GPR160: variants seen among roughly 807,000 people sequenced by gnomAD.
The protein encoded by GPR160 is G protein-coupled receptor 160.
Under a neutral mutation model 2.6 loss-of-function variants are expected in GPR160, and 2 were observed. The ratio of observed to expected loss-of-function variants is 0.77; its 90% CI spans 0.32 to 2.44. The LOEUF is 2.44. Among genes scored for constraint, GPR160 ranks in the 30% most tolerant of loss-of-function variants. The pLI is 0.11. For synonymous variants in GPR160, 130 were observed against 132.2 expected, an observed-to-expected ratio of 0.98 and a Z score of 0.12; for missense variants, 351 against 383.6, an observed-to-expected ratio of 0.91 and a Z score of 0.71.
chr3:170,054,739 C>T (rs1711545063), intron 2 of GPR160, among the ~76,000 whole-genome samples: 1 of 151,770 alleles, frequency 6.6e-6, no homozygotes, highest in South Asian at 2.1e-4. Flanking sequence ...TCTGCTTATT[C>T]ACTTAGTGTA....
chr3:170,056,678 CAGA>C (rs1387129094), intron 2 of GPR160, among the ~76,000 whole-genome samples: 2 of 152,126 alleles, frequency 1.3e-5, no homozygotes, highest in African/African-American at 4.8e-5. Flanking sequence ...ATACTAGAAA[CAGA>C]AGTCAAAATA....
chr3:170,045,775 G>A (rs1299716135), intron 2 of GPR160, among the ~76,000 whole-genome samples: 1 of 152,090 alleles, frequency 6.6e-6, no homozygotes, highest in African/African-American at 2.4e-5. Flanking sequence ...TGGGTTAATT[G>A]GTTATTAGCC....
At chr3:170,066,130 CTTTTTTTTTTT>C (rs768660597) in intron 2 of GPR160, among the ~76,000 whole-genome samples, 4 of 85,212 alleles carry the variant, frequency 4.7e-5, no homozygotes, top group African/African-American at 1.0e-4. Flanking sequence ...TTTTCTTTTT[CTTTTTTTTTTT>C]TTTTTTTTTT....
chr3:170,072,067 CTTTTTTTTTTTTT>C (rs1202875086), intron 2 of GPR160, among the ~76,000 whole-genome samples: 10 of 85,966 alleles, frequency 1.2e-4, no homozygotes, highest in Non-Finnish European at 1.9e-4. Context: ...TGTATACAAG[CTTTTTTTTTTTTT>C]TTTTTTTTTT....
intron 2 of GPR160, chr3:170,062,603 G>A (rs1277106985): frequency 4.9e-6 from 6 of 1,223,850 alleles, no homozygotes; most frequent in African/African-American, 3.0e-5. Flanking sequence ...ATGTGAAGCA[G>A]CAGAACTTCC....
In GPR160 at chr3:170,085,030, T is replaced by A; in HGVS notation, c.*41T>A. ...GTTACAGCTGTCATAAGATCATAAT[T>A]TTATGAACAGAAAGAACTCAGGACA... On this transcript the variant is annotated 3_prime_UTR_variant, in exon 4 of 4. Coordinates refer to ENST00000355897, the MANE Select transcript of GPR160 (RefSeq NM_014373.3). 1 of 1,107,960 alleles carries A rather than the reference T, an allele frequency of 9.0e-7. No homozygotes were observed. The allele number at this position is 1,107,960 out of a possible 1,614,324, so 68.6% of individuals were successfully genotyped here.
At chr3:170,040,655 C>CA (rs1716407758) in intron 2 of GPR160, among the ~76,000 whole-genome samples, 1 of 152,166 alleles carries the variant, frequency 6.6e-6, no homozygotes, top group Non-Finnish European at 1.5e-5. Flanking sequence ...TTGTGTTCAT[C>CA]AAAAAACAGA....
chr3:170,044,249 AG>A (rs1716593852), intron 2 of GPR160, among the ~76,000 whole-genome samples: 1 of 134,022 alleles, frequency 7.5e-6, no homozygotes, highest in South Asian at 2.4e-4. Flanking sequence ...ACTTGAACTC[AG>A]GGGGCGGAGG....
At chr3:170,078,577 C>A (rs1221761342) in intron 2 of GPR160, among the ~76,000 whole-genome samples, 1 of 152,104 alleles carries the variant, frequency 6.6e-6, no homozygotes, top group Admixed American at 6.6e-5. Flanking sequence ...GCCGCTAGCC[C>A]GTTTATGAAA....
At chr3:170,068,761 T>C (rs1369811540) in intron 2 of GPR160, among the ~76,000 whole-genome samples, 1 of 152,228 alleles carries the variant, frequency 6.6e-6, no homozygotes, top group African/African-American at 2.4e-5. Flanking sequence ...AATAGCTTTC[T>C]TCTATCTAGC....
intron 2 of GPR160, among the ~76,000 whole-genome samples, chr3:170,051,553 C>T (rs1216467670): frequency 1.3e-5 from 2 of 152,090 alleles, no homozygotes; most frequent in African/African-American, 2.4e-5. Flanking sequence ...GGCGAAACCC[C>T]GCCTCTACTA....
chr3:170,051,007 A>AAGTTTAT (rs1294688496), intron 2 of GPR160, among the ~76,000 whole-genome samples: 3 of 152,174 alleles, frequency 2.0e-5, no homozygotes, highest in Non-Finnish European at 4.4e-5. Flanking sequence ...GTCATGTGGT[A>AAGTTTAT]AGTTTATGTT....
chr3:170,055,149 G>A (rs1195849530), intron 2 of GPR160, among the ~76,000 whole-genome samples: 1 of 152,142 alleles, frequency 6.6e-6, no homozygotes, highest in Non-Finnish European at 1.5e-5. Context: ...ATATAAAGTC[G>A]TTCTTAGGAG....
intron 2 of GPR160, among the ~76,000 whole-genome samples, chr3:170,072,426 A>G (rs1283824359): frequency 6.6e-6 from 1 of 152,152 alleles, no homozygotes; most frequent in African/African-American, 2.4e-5. Context: ...TGAGAGATTA[A>G]ATTTCCGTTG....
intron 2 of GPR160, among the ~76,000 whole-genome samples, chr3:170,048,377 A>G (rs950549883): frequency 2.6e-5 from 4 of 152,196 alleles, no homozygotes; most frequent in South Asian, 2.1e-4. Flanking sequence ...CAGTTCATCT[A>G]TGTAACCAAA....
intron 2 of GPR160, among the ~76,000 whole-genome samples, chr3:170,048,232 C>T (rs546109177): frequency 2.0e-5 from 3 of 152,126 alleles, no homozygotes; most frequent in Admixed American, 6.5e-5. Context: ...CAGAGGCATG[C>T]AGAGTGATAT....
chr3:170,075,246 AC>A (rs1712796517), intron 2 of GPR160, among the ~76,000 whole-genome samples: 1 of 152,202 alleles, frequency 6.6e-6, no homozygotes, highest in South Asian at 2.1e-4. Context: ...ACAAAACAAA[AC>A]CAAAAGAATA....
intron 2 of GPR160, among the ~76,000 whole-genome samples, chr3:170,076,756 C>T (rs1712870081): frequency 6.6e-6 from 1 of 152,126 alleles, no homozygotes; most frequent in African/African-American, 2.4e-5. Flanking sequence ...GTTGACCAGG[C>T]TGGTCTTGAA....
chr3:170,044,883 AG>A (rs1553766598), intron 2 of GPR160, among the ~76,000 whole-genome samples: 1 of 152,096 alleles, frequency 6.6e-6, no homozygotes, highest in Non-Finnish European at 1.5e-5. Flanking sequence ...AGGGATGAGG[AG>A]CTGAGGCACC....
Sources: gnomAD v4.1 joint callset for allele counts (sites outside exome capture counted in the v4.1 genomes callset) on GRCh38, gnomAD v4.1.1 for gene constraint, MANE v1.5 for transcripts, NCBI Gene and HGNC (gene_info 2026-07-23, HGNC 2026-07-21) for gene names.